The following NRXN3 variants were observed in gnomAD, a reference collection of about 807,000 sequenced individuals.
NRXN3 encodes the protein neurexin III.
A neutral mutation model predicts 137.6 loss-of-function variants in NRXN3; 32 were observed. That is an observed-to-expected ratio of 0.23 (90% CI 0.18 to 0.31). The LOEUF is 0.31. NRXN3 is among the 10% of genes least tolerant of loss of function. The pLI is 1.00. For synonymous variants in NRXN3, 798 were observed against 784.5 expected (o/e 1.02, Z -0.29); for missense variants, 1,574 against 2,062.5 (o/e 0.76, Z 4.59).
At chr14:78,547,571 A>G (rs779593504) in intron 4 of NRXN3, among the ~76,000 whole-genome samples, 11 of 152,066 alleles carry the variant, frequency 7.2e-5, no homozygotes, top group Non-Finnish European at 1.3e-4. Context: ...TTTTGGGACA[A>G]TTGCCATGTT....
intron 10 of NRXN3, among the ~76,000 whole-genome samples, chr14:78,936,366 A>G (rs1307110798): frequency 6.6e-6 from 1 of 152,230 alleles, no homozygotes; most frequent in African/African-American, 2.4e-5. Context: ...ATAACCATTT[A>G]TTGGAACTCA....
chr14:79,590,617 TTGTCCA>T (rs1362561140), intron 16 of NRXN3, among the ~76,000 whole-genome samples: 1 of 152,058 alleles, frequency 6.6e-6, no homozygotes, highest in Non-Finnish European at 1.5e-5. Context: ...CATCCCCTGG[TTGTCCA>T]TGAAATATTG....
chr14:79,076,175 C>A (rs2045938283), intron 15 of NRXN3, among the ~76,000 whole-genome samples: 1 of 152,110 alleles, frequency 6.6e-6, no homozygotes, highest in Non-Finnish European at 1.5e-5. Flanking sequence ...ACTATTGATT[C>A]CCAGCTCTTG....
At chr14:78,890,438 A>ACATAT (rs897916165) in intron 10 of NRXN3, among the ~76,000 whole-genome samples, 1 of 151,838 alleles carries the variant, frequency 6.6e-6, no homozygotes, top group Admixed American at 6.6e-5. Flanking sequence ...TTTTACTCTA[A>ACATAT]CATCCCATGC....
chr14:79,496,508 C>T (rs1001515069), intron 16 of NRXN3, among the ~76,000 whole-genome samples: 7 of 152,038 alleles, frequency 4.6e-5, no homozygotes, highest in African/African-American at 1.4e-4. Flanking sequence ...AGGATTTTGC[C>T]GCAGGGCTGT....
intron 1 of NRXN3, among the ~76,000 whole-genome samples, chr14:78,191,519 C>A (rs974919848): frequency 1.3e-5 from 2 of 152,260 alleles, no homozygotes; most frequent in East Asian, 1.9e-4. Context: ...CCAGGGAGGA[C>A]CCCTGCAGGC....
At chr14:79,682,936 A>G (rs76315293) in intron 17 of NRXN3, among the ~76,000 whole-genome samples, 4,013 of 152,252 alleles carry the variant, frequency 0.026, 144 homozygotes, top group African/African-American at 0.09. Flanking sequence ...ATTATTTAGC[A>G]AAAGAATTTC....
chr14:78,701,908 T>C (rs1394868822), intron 6 of NRXN3, among the ~76,000 whole-genome samples: 2 of 152,218 alleles, frequency 1.3e-5, no homozygotes. Flanking sequence ...TAACAAAATA[T>C]AAAGCATGAA....
chr14:78,193,145 C>A (rs2060900014), intron 1 of NRXN3, among the ~76,000 whole-genome samples: 1 of 152,120 alleles, frequency 6.6e-6, no homozygotes, highest in African/African-American at 2.4e-5. Flanking sequence ...CAAGCAAATT[C>A]ATAACTAGGG....
intron 16 of NRXN3, among the ~76,000 whole-genome samples, chr14:79,527,979 T>C (rs960975919): frequency 2.6e-5 from 4 of 152,122 alleles, no homozygotes; most frequent in Non-Finnish European, 5.9e-5. Context: ...AAGCATTTAT[T>C]TCTATATCTT....
At chr14:78,586,343 G>A (rs74565035) in intron 4 of NRXN3, among the ~76,000 whole-genome samples, 4,232 of 152,246 alleles carry the variant, frequency 0.028, 65 homozygotes, top group African/African-American at 0.031. Context: ...GGAAAGAAGA[G>A]TGCCAAGAGT....
chr14:79,467,113 G>T, intron 15 of NRXN3, 108 bp from the exon 16 acceptor site: 1 of 1,085,616 alleles, frequency 9.2e-7, no homozygotes, highest in Non-Finnish European at 1.3e-6. Flanking sequence ...TGTCCCATGG[G>T]GGACATTTCC....
intron 1 of NRXN3, among the ~76,000 whole-genome samples, chr14:78,188,334 G>A (rs1399622945): frequency 1.3e-5 from 2 of 152,188 alleles, no homozygotes; most frequent in Non-Finnish European, 2.9e-5. Flanking sequence ...GGGATCTCCA[G>A]GTCAAGGTTA....
chr14:78,877,896 T>G (rs1192275098), intron 10 of NRXN3, among the ~76,000 whole-genome samples: 1 of 152,202 alleles, frequency 6.6e-6, no homozygotes, highest in Admixed American at 6.5e-5. Context: ...AATAAATAGT[T>G]TCATCCCATA....
intron 4 of NRXN3, among the ~76,000 whole-genome samples, chr14:78,547,546 A>G (rs994204279): frequency 6.6e-6 from 1 of 152,118 alleles, no homozygotes; most frequent in Non-Finnish European, 1.5e-5. Context: ...AAGTTGTATT[A>G]AATCAATATG....
At chr14:79,558,549 TTCTC>T (rs1310848588) in intron 16 of NRXN3, among the ~76,000 whole-genome samples, 5 of 152,104 alleles carry the variant, frequency 3.3e-5, no homozygotes, top group South Asian at 2.1e-4. Flanking sequence ...GGATGTTCTT[TTCTC>T]TCTCTCTTTT....
intron 11 of NRXN3, among the ~76,000 whole-genome samples, chr14:78,959,403 G>A (rs1342846510): frequency 6.6e-6 from 1 of 152,138 alleles, no homozygotes; most frequent in African/African-American, 2.4e-5. Flanking sequence ...TCTGCTTGCT[G>A]TACTTCAAAA....
intron 15 of NRXN3, among the ~76,000 whole-genome samples, chr14:79,194,629 C>T (rs1156322425): frequency 6.6e-6 from 1 of 152,202 alleles, no homozygotes; most frequent in Non-Finnish European, 1.5e-5. Flanking sequence ...GTAGGACAGG[C>T]AGTCAGACCC....
chr14:78,540,430 C>A (rs2096577809), intron 4 of NRXN3, among the ~76,000 whole-genome samples: 2 of 141,530 alleles, frequency 1.4e-5, no homozygotes, highest in Non-Finnish European at 3.0e-5. Flanking sequence ...GGATTGCAAC[C>A]CCTGCTTTTT....
Sources: gnomAD v4.1 joint callset for allele counts (sites outside exome capture counted in the v4.1 genomes callset) on GRCh38, gnomAD v4.1.1 for gene constraint, MANE v1.5 for transcripts, NCBI Gene and HGNC (gene_info 2026-07-23, HGNC 2026-07-21) for gene names.